The following GABRA3 variants were observed in gnomAD, a reference collection of about 807,000 sequenced individuals.
GABRA3 encodes the protein gamma-aminobutyric acid type A receptor subunit alpha3, also known as gamma-aminobutyric acid receptor subunit alpha-3.
In GABRA3, 10 loss-of-function variants were observed where a neutral mutation model predicts 30.1. That is an observed-to-expected ratio of 0.33 (90% CI 0.20 to 0.56). GABRA3 has a LOEUF of 0.56. Ranked by LOEUF, GABRA3 falls within the 20% of genes least tolerant of loss-of-function variation. The pLI is 0.89. For synonymous variants in GABRA3, 151 were observed against 146.8 expected (o/e 1.03, Z -0.21); for missense variants, 233 against 392.0 (o/e 0.59, Z 3.42).
chrX:152,172,377 A>G lies in GABRA3; in HGVS notation c.1144-3814T>C, dbSNP rs187187380. On this transcript the variant is annotated intron_variant, in intron 9 of 9. Coordinates refer to ENST00000370314, the MANE Select transcript of GABRA3 (RefSeq NM_000808.4). ...GTAAAATGGTGCAACCACTATGGAA[A>G]ATGTTGTGAGGGTTCCTCAAAAACT... Among the ~76,000 whole-genome samples the G allele has an allele frequency of 3.9e-3, 436 of 111,752 alleles. 1 individual carries two copies. Among genetic ancestry groups the G allele is most frequent in the Non-Finnish European group, 6.3e-3 (336 of 53,195 alleles).
intron 8 of GABRA3, 24 bp downstream of exon 8, chrX:152,197,609 T>C: frequency 1.7e-6 from 2 of 1,180,483 alleles, no homozygotes; most frequent in Non-Finnish European, 2.3e-6. Flanking sequence ...GACTTTCCCC[T>C]ACGCTCCATA....
intron 5 of GABRA3, among the ~76,000 whole-genome samples, chrX:152,225,999 A>C (rs1178389307): frequency 9.0e-6 from 1 of 111,151 alleles, no homozygotes; most frequent in Non-Finnish European, 1.9e-5. Flanking sequence ...CTCGCCTAAT[A>C]AAATATCAAT....
At chrX:152,416,116 G>T (rs1203629275) in intron 1 of GABRA3, among the ~76,000 whole-genome samples, 1 of 103,999 alleles carries the variant, frequency 9.6e-6, no homozygotes, top group Non-Finnish European at 2.0e-5. Context: ...TGTATATCTA[G>T]AAAACCCCAT....
intron 1 of GABRA3, among the ~76,000 whole-genome samples, chrX:152,365,147 G>A (rs189989846): frequency 3.6e-5 from 4 of 111,416 alleles, no homozygotes; most frequent in Admixed American, 9.6e-5. Context: ...TTTTGGGATT[G>A]ATTCTCAGCT....
At chrX:152,368,079 A>G (rs1002507691) in intron 1 of GABRA3, among the ~76,000 whole-genome samples, 1 of 112,038 alleles carries the variant, frequency 8.9e-6, no homozygotes, top group African/African-American at 3.2e-5. Flanking sequence ...AAGTGGGCAG[A>G]GGGAACTTTT....
chrX:152,240,540 C>G (rs1395989224), intron 5 of GABRA3, among the ~76,000 whole-genome samples: 3 of 89,119 alleles, frequency 3.4e-5, no homozygotes, highest in Non-Finnish European at 6.2e-5. Context: ...GAACGTTGGC[C>G]TGCCTTGCTA....
chrX:152,402,945 T>C (rs1433159463), intron 1 of GABRA3, among the ~76,000 whole-genome samples: 1 of 111,795 alleles, frequency 8.9e-6, no homozygotes, highest in East Asian at 2.8e-4. Flanking sequence ...GAGTATAAAA[T>C]TGAATAAAGG....
chrX:152,373,693 A>G (rs920302053), intron 1 of GABRA3, among the ~76,000 whole-genome samples: 1 of 111,011 alleles, frequency 9.0e-6, no homozygotes, highest in Non-Finnish European at 1.9e-5. Flanking sequence ...TTTGTTACAT[A>G]TGTATACATG....
chrX:152,297,939 C>T (rs1191389116), intron 3 of GABRA3, among the ~76,000 whole-genome samples: 1 of 112,146 alleles, frequency 8.9e-6, no homozygotes, highest in Non-Finnish European at 1.9e-5. Flanking sequence ...TGATGCAGTG[C>T]CCAAATGATG....
At chrX:152,233,524 G>A (rs5969872) in intron 5 of GABRA3, among the ~76,000 whole-genome samples, 13,047 of 108,241 alleles carry the variant, frequency 0.12, 1,311 homozygotes, top group East Asian at 0.31. Context: ...TTAGAATGGC[G>A]ATCATTAAAA....
intron 1 of GABRA3, among the ~76,000 whole-genome samples, chrX:152,371,359 C>G (rs1384696297): frequency 9.0e-6 from 1 of 111,571 alleles, no homozygotes; most frequent in Non-Finnish European, 1.9e-5. Context: ...ATCAACTATA[C>G]CAACCTACCA....
intron 5 of GABRA3, among the ~76,000 whole-genome samples, chrX:152,237,414 T>C (rs1480518697): frequency 4.8e-5 from 5 of 103,784 alleles, no homozygotes; most frequent in African/African-American, 1.8e-4. Flanking sequence ...TAGTATAGTT[T>C]GAAGTCAGGT....
At chrX:152,311,506 C>T (rs1208294933) in intron 3 of GABRA3, among the ~76,000 whole-genome samples, 2 of 112,033 alleles carry the variant, frequency 1.8e-5, no homozygotes, top group Admixed American at 1.9e-4. Flanking sequence ...TTCAACATTC[C>T]TTCATGTTAA....
At chrX:152,310,701 T>C (rs770331262) in intron 3 of GABRA3, among the ~76,000 whole-genome samples, 1 of 109,251 alleles carries the variant, frequency 9.2e-6, no homozygotes, top group Non-Finnish European at 1.9e-5. Flanking sequence ...AAAAAAACAA[T>C]AACCAAAATC....
chrX:152,449,134 C>T (rs781201554), intron 1 of GABRA3, among the ~76,000 whole-genome samples: 1 of 112,193 alleles, frequency 8.9e-6, no homozygotes, highest in African/African-American at 3.2e-5. Flanking sequence ...AACTGAAGAA[C>T]TATTATTAAG....
intron 6 of GABRA3, among the ~76,000 whole-genome samples, chrX:152,218,455 T>A (rs749462587): frequency 9.0e-6 from 1 of 111,331 alleles, no homozygotes; most frequent in South Asian, 3.7e-4. Flanking sequence ...TGGAACGCTC[T>A]ATAGATGTTG....
At chrX:152,193,047 G>A (rs1481121299) in intron 8 of GABRA3, among the ~76,000 whole-genome samples, 5 of 111,730 alleles carry the variant, frequency 4.5e-5, no homozygotes, top group South Asian at 7.5e-4. Context: ...GATGTCTAGC[G>A]CTTCTTAGAC....
At chrX:152,404,398 T>C (rs1192853048) in intron 1 of GABRA3, among the ~76,000 whole-genome samples, 3 of 110,617 alleles carry the variant, frequency 2.7e-5, no homozygotes, top group Non-Finnish European at 5.7e-5. Flanking sequence ...TAGAAAAGCT[T>C]GTAACAAAGA....
intron 3 of GABRA3, among the ~76,000 whole-genome samples, chrX:152,324,279 C>T (rs908599059): frequency 6.2e-5 from 7 of 112,137 alleles, no homozygotes; most frequent in African/African-American, 2.3e-4. Flanking sequence ...CAATATCAAT[C>T]AGCAGTAAAA....
Sources: gnomAD v4.1 joint callset for allele counts (sites outside exome capture counted in the v4.1 genomes callset) on GRCh38, gnomAD v4.1.1 for gene constraint, MANE v1.5 for transcripts, NCBI Gene and HGNC (gene_info 2026-07-23, HGNC 2026-07-21) for gene names.